Variants in ANKRD36C observed in about 807,000 individuals in gnomAD.
ANKRD36C encodes the protein ankyrin repeat domain 36C.
Under a neutral mutation model 276.4 loss-of-function variants are expected in ANKRD36C, and 61 were observed. The observed-to-expected ratio is 0.22, with a 90% CI of 0.18 to 0.27. ANKRD36C has a LOEUF of 0.27. Among genes scored for constraint, ANKRD36C ranks in the 10% least tolerant of loss-of-function variants. The pLI, the probability that ANKRD36C is intolerant of heterozygous loss-of-function variation, is 1.00. For synonymous variants in ANKRD36C, 483 were observed against 680.1 expected (o/e 0.71, Z 4.51); for missense variants, 1,447 against 2,032.3 (o/e 0.71, Z 5.54).
intron 36 of ANKRD36C, among the ~76,000 whole-genome samples, chr2:95,917,491 T>C (rs1677134876): frequency 6.6e-6 from 1 of 151,576 alleles, no homozygotes; most frequent in Non-Finnish European, 1.5e-5. Flanking sequence ...AGCAGTACGA[T>C]GTGACGTCTG....
intron 1 of ANKRD36C, among the ~76,000 whole-genome samples, chr2:95,988,775 A>G (rs1679081539): frequency 6.6e-6 from 1 of 152,214 alleles, no homozygotes; most frequent in Non-Finnish European, 1.5e-5. Context: ...CTATTTATAT[A>G]CTAAAATCTA....
intron 30 of ANKRD36C, among the ~76,000 whole-genome samples, chr2:95,924,320 T>A (rs903143471): frequency 2.6e-5 from 4 of 151,636 alleles, no homozygotes; most frequent in Non-Finnish European, 5.9e-5. Flanking sequence ...TAGCCTTCAG[T>A]AATTTTCTTC....
chr2:95,986,336 G>C lies in ANKRD36C; in HGVS notation c.486+415C>G, dbSNP rs145097340. On this transcript the variant is annotated intron_variant, in intron 3 of 66. Transcript: ENST00000456556. ...ATACAATACTTGTCAACAGCAACAA[G>C]ATGTACATTTATTGTGAAATTCTTT... is the stretch of plus-strand genomic sequence containing the variant. Among the ~76,000 whole-genome samples the C allele has an allele frequency of 4.1e-3, 620 of 152,016 alleles. 14 individuals carry two copies. The highest frequency in any genetic ancestry group is 0.014 in the African/African-American group (572 of 41,304).
At chr2:95,962,388 C>T (rs1362297849) in exon 8 of ANKRD36C, 4 of 1,564,216 alleles carry the variant, frequency 2.6e-6, no homozygotes, top group Non-Finnish European at 3.5e-6. Context: ...ATTTCTGTGG[C>T]TATATTCGAG....
intron 17 of ANKRD36C, among the ~76,000 whole-genome samples, chr2:95,946,382 G>A (rs573911228): frequency 6.9e-6 from 1 of 143,980 alleles, no homozygotes; most frequent in African/African-American, 2.6e-5. Flanking sequence ...CAGTTAGAAT[G>A]GCAATCATTA....
chr2:95,967,233 T>C (rs1328392860), intron 6 of ANKRD36C, among the ~76,000 whole-genome samples: 1 of 152,172 alleles, frequency 6.6e-6, no homozygotes, highest in Non-Finnish European at 1.5e-5. Context: ...AGGAAATGTT[T>C]GCAATCTGTC....
chr2:95,908,154 G>T (rs1188499382), intron 42 of ANKRD36C, among the ~76,000 whole-genome samples: 1 of 149,788 alleles, frequency 6.7e-6, no homozygotes, highest in Non-Finnish European at 1.5e-5. Context: ...AGTACGATCT[G>T]AAGTGTGTAA....
At chr2:95,927,985 G>A (rs1677456495) in intron 26 of ANKRD36C, among the ~76,000 whole-genome samples, 1 of 151,722 alleles carries the variant, frequency 6.6e-6, no homozygotes, top group Middle Eastern at 3.4e-3. Flanking sequence ...CCCATGTGGT[G>A]TAATAATTTG....
At chr2:95,978,444 C>T (rs1678856257) in intron 5 of ANKRD36C, among the ~76,000 whole-genome samples, 2 of 152,084 alleles carry the variant, frequency 1.3e-5, no homozygotes, top group African/African-American at 4.8e-5. Flanking sequence ...AAGTCACCTT[C>T]CTGGCTCTTA....
At chr2:95,937,442 G>T (rs530067394) in intron 22 of ANKRD36C, among the ~76,000 whole-genome samples, 643 of 149,874 alleles carry the variant, frequency 4.3e-3, no homozygotes, top group Non-Finnish European at 7.1e-3. Flanking sequence ...AAAACAGAAA[G>T]ATTTTCATTT....
At chr2:95,915,365 C>G (rs534857491) in intron 38 of ANKRD36C, among the ~76,000 whole-genome samples, 1 of 151,610 alleles carries the variant, frequency 6.6e-6, no homozygotes, top group Admixed American at 6.6e-5. Flanking sequence ...AATTCAAGCA[C>G]TGTTTCCTGC....
chr2:95,935,161 A>C (rs960794106), intron 24 of ANKRD36C, among the ~76,000 whole-genome samples: 1 of 152,296 alleles, frequency 6.6e-6, no homozygotes, highest in Non-Finnish European at 1.5e-5. Flanking sequence ...AAAAATATTT[A>C]TAGTTTCAAA....
In ANKRD36C at chr2:95,925,587, T is replaced by C. The variant is rs748580818; in HGVS notation, c.1940-40A>G. On this transcript the variant is annotated intron_variant, in intron 28 of 66. Coordinates refer to ENST00000456556, the Ensembl canonical transcript of ANKRD36C. ...AAATATATAATTCATCATATGTAAA[T>C]ATGATAAAGTCGTCCACACATTCAT... 29 of 1,518,066 alleles carry C rather than the reference T, an allele frequency of 1.9e-5. 1 individual carries two copies. The Middle Eastern group carries it at 1.9e-3, about 98-fold the overall frequency. 94.0% of individuals were successfully genotyped at this position (1,518,066 alleles called of 1,614,324 possible). A position where few individuals can be genotyped will look rare whatever the true frequency, so the allele number is the denominator to read the frequency against.
At chr2:95,883,967 T>C (rs1244792984) in intron 54 of ANKRD36C, among the ~76,000 whole-genome samples, 1 of 152,044 alleles carries the variant, frequency 6.6e-6, no homozygotes, top group Admixed American at 6.6e-5. Context: ...CCAATTTCAA[T>C]GTGGGGAAGT....
rs1211312133 is a variant in ANKRD36C at position 95,978,116 on chromosome 2, T to G, written c.799+6A>C. On this transcript the variant is annotated splice_donor_region_variant and intron_variant, in intron 6 of 66. Transcript: ENST00000456556. ...ATCAAGAGTAATTCACTATCAGAAATCTTACCTGGATTGCTATTTATAGAA... is the reference window on the plus strand; with the variant it reads ...ATCAAGAGTAATTCACTATCAGAAAGCTTACCTGGATTGCTATTTATAGAA... The G allele has an allele frequency of 4.2e-6, 5 of 1,184,160 alleles. No homozygotes were observed. In the African/African-American group the frequency reaches 6.3e-5, roughly 15 times the overall value. The allele number at this position is 1,184,160 out of a possible 1,614,324, so 73.4% of individuals were successfully genotyped here. A position where few individuals can be genotyped will look rare whatever the true frequency, so the allele number is the denominator to read the frequency against.
At chr2:95,929,577 A>G (rs1677509184) in intron 24 of ANKRD36C, among the ~76,000 whole-genome samples, 1 of 151,628 alleles carries the variant, frequency 6.6e-6, no homozygotes, top group South Asian at 2.1e-4. Context: ...GACAAATGTG[A>G]TCTAAAATCA....
chr2:95,937,519 G>T (rs976598764), intron 22 of ANKRD36C, among the ~76,000 whole-genome samples: 2 of 152,296 alleles, frequency 1.3e-5, no homozygotes, highest in Non-Finnish European at 2.9e-5. Context: ...CAGCGGTGAG[G>T]CATTATAGAG....
At chr2:95,858,539 C>T (rs972223486) in intron 61 of ANKRD36C, among the ~76,000 whole-genome samples, 1 of 152,164 alleles carries the variant, frequency 6.6e-6, no homozygotes, top group African/African-American at 2.4e-5. Context: ...CTTTTCTTCA[C>T]ACAGTAATTA....
At position 95,956,721 on chromosome 2, in the gene ANKRD36C, A is replaced by G. The variant is rs1405288363; in HGVS notation, c.1136+65T>C. On this transcript the variant is annotated intron_variant, in intron 13 of 66. Coordinates refer to ENST00000456556, the Ensembl canonical transcript of ANKRD36C. Reference sequence around the variant, plus strand: ...GCACAGAGGAGAACACTAAACGGGCACTAGTTTCTATTCTCTCTATTAACT... The same window carrying G: ...GCACAGAGGAGAACACTAAACGGGCGCTAGTTTCTATTCTCTCTATTAACT... The G allele has an allele frequency of 5.0e-6, 7 of 1,412,620 alleles. 1 individual carries two copies. The Admixed American group carries it at 1.2e-4, about 25-fold the overall frequency. 87.5% of individuals were successfully genotyped at this position (1,412,620 alleles called of 1,614,324 possible).
Sources: allele counts gnomAD v4.1 joint callset (sites outside exome capture counted in the v4.1 genomes callset), GRCh38; gene constraint gnomAD v4.1.1; transcripts MANE v1.5; gene names NCBI Gene and HGNC (gene_info 2026-07-23, HGNC 2026-07-21).